PCDH15: variants seen among roughly 807,000 people sequenced by gnomAD.
PCDH15 encodes the protein protocadherin-15.
A neutral mutation model predicts 178.5 loss-of-function variants in PCDH15; 129 were observed. The observed-to-expected ratio is 0.72, with a 90% CI of 0.63 to 0.84. PCDH15 has a LOEUF of 0.84. PCDH15 is among the 40% of genes least tolerant of loss of function. The pLI, the probability that PCDH15 is intolerant of heterozygous loss-of-function variation, is 0.00. For synonymous variants in PCDH15, 800 were observed against 732.0 expected (o/e 1.09, Z -1.50); for missense variants, 2,230 against 2,099.9 (o/e 1.06, Z -1.21).
intron 2 of PCDH15, among the ~76,000 whole-genome samples, chr10:55,161,527 G>C (rs1029174998): frequency 2.6e-5 from 4 of 152,034 alleles, no homozygotes; most frequent in Non-Finnish European, 5.9e-5. Flanking sequence ...AGATGCCAGA[G>C]AGACCCATAC....
intron 3 of PCDH15, among the ~76,000 whole-genome samples, chr10:54,453,310 G>A (rs1478855224): frequency 6.6e-6 from 1 of 152,060 alleles, no homozygotes; most frequent in Non-Finnish European, 1.5e-5. Flanking sequence ...ATACACCATG[G>A]AATACTATGC....
chr10:54,465,728 A>G (rs1410761715), intron 3 of PCDH15, among the ~76,000 whole-genome samples: 1 of 151,912 alleles, frequency 6.6e-6, no homozygotes, highest in Non-Finnish European at 1.5e-5. Context: ...TTTTTGATAT[A>G]CTGATTTCTT....
intron 1 of PCDH15, among the ~76,000 whole-genome samples, chr10:54,745,410 AG>A (rs1265974926): frequency 1.3e-5 from 2 of 152,298 alleles, no homozygotes; most frequent in African/African-American, 4.8e-5. Context: ...TCTAATCAGA[AG>A]TATTACAAAA....
chr10:55,334,538 C>G (rs961364574), intron 2 of PCDH15, among the ~76,000 whole-genome samples: 1 of 151,692 alleles, frequency 6.6e-6, no homozygotes, highest in African/African-American at 2.4e-5. Flanking sequence ...AACTCCTGAC[C>G]TCAGGTCATC....
chr10:55,255,195 A>G (rs1298956814), intron 1 of PCDH15, among the ~76,000 whole-genome samples: 2 of 150,210 alleles, frequency 1.3e-5, no homozygotes, highest in African/African-American at 4.9e-5. Flanking sequence ...GAGTTAGAAC[A>G]TGCGGTGTTT....
At chr10:55,420,107 T>C (rs1378759910) in intron 2 of PCDH15, among the ~76,000 whole-genome samples, 1 of 151,754 alleles carries the variant, frequency 6.6e-6, no homozygotes, top group Non-Finnish European at 1.5e-5. Context: ...TTGCTTATAC[T>C]CCTCATAAGA....
At chr10:54,331,547 T>A (rs140382349) in intron 6 of PCDH15, among the ~76,000 whole-genome samples, 1 of 152,174 alleles carries the variant, frequency 6.6e-6, no homozygotes, top group African/African-American at 2.4e-5. Flanking sequence ...GCTGGCATTA[T>A]GACACAGGAG....
chr10:53,881,989 CTTTTT>C (rs5785025), intron 26 of PCDH15, among the ~76,000 whole-genome samples: 2 of 138,186 alleles, frequency 1.4e-5, no homozygotes, highest in Admixed American at 7.3e-5. Context: ...TGCCCACTTG[CTTTTT>C]TTTTTTTTTT....
chr10:55,407,376 A>G (rs1838224419), intron 2 of PCDH15, among the ~76,000 whole-genome samples: 1 of 152,156 alleles, frequency 6.6e-6, no homozygotes, highest in Non-Finnish European at 1.5e-5. Context: ...CAAATGGGTA[A>G]ATACTGCCTG....
intron 26 of PCDH15, among the ~76,000 whole-genome samples, chr10:53,868,644 A>T (rs777260823): frequency 6.6e-6 from 1 of 152,164 alleles, no homozygotes; most frequent in Non-Finnish European, 1.5e-5. Context: ...AAAATAGTAA[A>T]TCATAGCAAA....
intron 32 of PCDH15, among the ~76,000 whole-genome samples, chr10:53,826,532 T>C (rs527315896): frequency 5.3e-5 from 8 of 152,206 alleles, no homozygotes; most frequent in East Asian, 3.9e-4. Context: ...CTGGATTTAA[T>C]TGTCATATTC....
At chr10:55,438,089 C>T (rs1203692794) in intron 2 of PCDH15, among the ~76,000 whole-genome samples, 3 of 151,872 alleles carry the variant, frequency 2.0e-5, no homozygotes, top group African/African-American at 7.3e-5. Context: ...CCTACCTCAG[C>T]CTCCCAAAGT....
rs567633307 is a variant in PCDH15 at position 55,580,034 on chromosome 10, T to G, written c.-156+47591A>C. Among the ~76,000 whole-genome samples the G allele has an allele frequency of 1.9e-4, 29 of 152,156 alleles. 2 individuals carry two copies. In the South Asian group the frequency reaches 6.0e-3, roughly 32 times the overall value. On this transcript the variant is annotated intron_variant, in intron 2 of 5. Coordinates refer to the PCDH15 transcript ENST00000613346. The stretch of plus-strand genomic sequence containing the variant: ...ACCACGCCTGGCTAACTTTTGTATT[T>G]TTAGTAGAGACAGGGTTTCAGCATG...
intron 2 of PCDH15, among the ~76,000 whole-genome samples, chr10:54,636,447 T>C (rs199913650): frequency 2.8e-5 from 2 of 72,646 alleles, no homozygotes; most frequent in Non-Finnish European, 7.5e-5. Context: ...CTTTTCTGCA[T>C]ACTGTAAAAC....
At chr10:55,527,608 A>G (rs1309038770) in intron 2 of PCDH15, among the ~76,000 whole-genome samples, 2 of 152,002 alleles carry the variant, frequency 1.3e-5, no homozygotes, top group African/African-American at 2.4e-5. Flanking sequence ...CAATAATAAT[A>G]TGAAAGTATG....
At chr10:54,624,085 G>A (rs2093468895) in intron 2 of PCDH15, among the ~76,000 whole-genome samples, 1 of 152,072 alleles carries the variant, frequency 6.6e-6, no homozygotes, top group South Asian at 2.1e-4. Flanking sequence ...AAGTCATAAG[G>A]TGATAAGGCA....
rs746744883 is a variant in PCDH15 at position 53,806,767 on chromosome 10, C to T, written c.5035G>A (p.Gly1679Arg). ...TLVTFAPCPV[G>R]TDNTAVKPLR... ...GGCTTCACCGCTGTATTGTCAGTCC[C>T]CACAGGGCAAGGGGCAAATGTAACC... The change falls in exon 38 of 38, where the codon GGG becomes AGG. Residue 1679 changes from glycine to arginine, a missense_variant. Transcript: ENST00000644397. 6.2e-7 allele frequency: 1 copy of T among 1,613,768 alleles called. No individual in the cohort carries two copies. Among genetic ancestry groups the T allele is most frequent in the Admixed American group, 1.7e-5 (1 of 59,988 alleles).
intron 35 of PCDH15, among the ~76,000 whole-genome samples, chr10:53,811,896 T>C (rs972273220): frequency 2.0e-5 from 3 of 152,226 alleles, no homozygotes; most frequent in African/African-American, 7.2e-5. Context: ...GCAAACCTGT[T>C]AAAACTTGCA....
chr10:54,638,924 G>A (rs766745773), intron 2 of PCDH15, among the ~76,000 whole-genome samples: 1 of 151,954 alleles, frequency 6.6e-6, no homozygotes, highest in African/African-American at 2.4e-5. Context: ...TATTCTAAGT[G>A]AAGTAAGTCA....
Sources: allele counts gnomAD v4.1 joint callset (sites outside exome capture counted in the v4.1 genomes callset), GRCh38; gene constraint gnomAD v4.1.1; transcripts MANE v1.5; gene names NCBI Gene and HGNC (gene_info 2026-07-23, HGNC 2026-07-21).